The following MRAS variants were observed in gnomAD, a reference collection of about 807,000 sequenced individuals.
MRAS encodes the protein ras-related protein M-Ras.
Under a neutral mutation model 20.9 loss-of-function variants are expected in MRAS, and 4 were observed. The ratio of observed to expected loss-of-function variants is 0.19; its 90% CI spans 0.09 to 0.44. MRAS has a LOEUF of 0.44. MRAS is among the 20% of genes least tolerant of loss of function. The pLI is 0.99. For missense variants in MRAS, 154 were observed against 277.5 expected, an observed-to-expected ratio of 0.56 and a Z score of 3.16; for synonymous variants, 98 against 102.9, an observed-to-expected ratio of 0.95 and a Z score of 0.29.
chr3:138,381,779 C>T (rs2054910504), intron 2 of MRAS, among the ~76,000 whole-genome samples: 3 of 152,214 alleles, frequency 2.0e-5, no homozygotes, highest in Admixed American at 2.0e-4. Context: ...GGCTTCTGCC[C>T]AAACCTCAGA....
intron 2 of MRAS, among the ~76,000 whole-genome samples, chr3:138,392,653 T>C (rs978940403): frequency 6.6e-6 from 1 of 152,260 alleles, no homozygotes; most frequent in African/African-American, 2.4e-5. Flanking sequence ...GTTTTGTAGA[T>C]GCATTTCTTT....
intron 1 of MRAS, among the ~76,000 whole-genome samples, chr3:138,365,622 A>AG (rs2054543287): frequency 6.6e-6 from 1 of 152,248 alleles, no homozygotes; most frequent in African/African-American, 2.4e-5. Flanking sequence ...AGAGATCTCC[A>AG]GACATCACCA....
At chr3:138,375,821 A>G (rs1560173656) in intron 2 of MRAS, among the ~76,000 whole-genome samples, 1 of 152,166 alleles carries the variant, frequency 6.6e-6, no homozygotes. Flanking sequence ...CAGGAGTTTG[A>G]GACTTGCCTG....
intron 2 of MRAS, among the ~76,000 whole-genome samples, chr3:138,382,572 C>T (rs1314145762): frequency 1.3e-5 from 2 of 152,140 alleles, no homozygotes; most frequent in Non-Finnish European, 2.9e-5. Flanking sequence ...TGCCCTGCAC[C>T]CGAGGGGCCC....
intron 2 of MRAS, among the ~76,000 whole-genome samples, chr3:138,378,970 A>G (rs2054843264): frequency 6.6e-6 from 1 of 152,120 alleles, no homozygotes; most frequent in Non-Finnish European, 1.5e-5. Flanking sequence ...GGGCATGGTA[A>G]TGATCAAATC....
chr3:138,377,796 G>A (rs1016592531), intron 2 of MRAS, among the ~76,000 whole-genome samples: 2 of 152,260 alleles, frequency 1.3e-5, no homozygotes, highest in Admixed American at 6.5e-5. Flanking sequence ...GCACGATGAT[G>A]AGGAGAAGGA....
At chr3:138,394,102 A>G (rs925217891) in intron 2 of MRAS, among the ~76,000 whole-genome samples, 7 of 110,420 alleles carry the variant, frequency 6.3e-5, no homozygotes, top group East Asian at 2.1e-4. Flanking sequence ...TTTTTCTAAG[A>G]AAAAAAAAAG....
At chr3:138,379,716 T>C (rs2054860585) in intron 2 of MRAS, among the ~76,000 whole-genome samples, 1 of 152,210 alleles carries the variant, frequency 6.6e-6, no homozygotes, top group African/African-American at 2.4e-5. Flanking sequence ...ATTTTCTTTA[T>C]CATTCATTCA....
intron 2 of MRAS, among the ~76,000 whole-genome samples, chr3:138,391,416 A>C (rs1387065590): frequency 6.6e-6 from 1 of 152,112 alleles, no homozygotes; most frequent in Non-Finnish European, 1.5e-5. Flanking sequence ...GTTTCTGTTC[A>C]TTTCTGATCC....
chr3:138,355,002 C>A (rs1331503017), intron 1 of MRAS, among the ~76,000 whole-genome samples: 1 of 152,138 alleles, frequency 6.6e-6, no homozygotes, highest in Non-Finnish European at 1.5e-5. Context: ...TCAGGCTCAT[C>A]TTGAACTCCT....
intron 2 of MRAS, among the ~76,000 whole-genome samples, chr3:138,389,053 G>T (rs1001132473): frequency 1.3e-5 from 2 of 151,976 alleles, no homozygotes; most frequent in Non-Finnish European, 2.9e-5. Context: ...TGTTGTCTAG[G>T]CTAGTCTCAA....
chr3:138,372,058 A>T (rs1223164642), intron 1 of MRAS, among the ~76,000 whole-genome samples: 3 of 152,126 alleles, frequency 2.0e-5, no homozygotes, highest in African/African-American at 7.2e-5. Context: ...TTTAGGATGG[A>T]TAATTCTTCA....
chr3:138,362,960 C>T (rs1008444148), intron 1 of MRAS, among the ~76,000 whole-genome samples: 1 of 152,106 alleles, frequency 6.6e-6, no homozygotes, highest in Non-Finnish European at 1.5e-5. Flanking sequence ...GTCTCCTTGG[C>T]TTTTCATGCC....
At position 138,397,398 on chromosome 3, in the gene MRAS, A is replaced by G. The variant is rs1202984226; in HGVS notation, c.268A>G (p.Ile90Val). The change falls in exon 3 of 6, where the codon ATC becomes GTC. Residue 90 changes from isoleucine (I) to valine (V), a missense_variant. Ile to Val is a conservative substitution (Grantham distance 29). Transcript: ENST00000423968. ...CATGCGCACGGGGGATGGCTTCCTC[A>G]TCGTCTACTCCGTCACTGACAAGGC... is the stretch of plus-strand genomic sequence containing the variant. ...QYMRTGDGFLIVYSVTDKASF... is the reference protein window; with the variant it reads ...QYMRTGDGFLVVYSVTDKASF... 1.2e-6 allele frequency: 2 copies of G among 1,614,180 alleles called. No individual in the cohort carries two copies. The highest frequency in any genetic ancestry group is 1.7e-6 in the Non-Finnish European group (2 of 1,180,022).
At chr3:138,394,823 C>G (rs900434333) in intron 2 of MRAS, among the ~76,000 whole-genome samples, 39 of 152,166 alleles carry the variant, frequency 2.6e-4, no homozygotes, top group African/African-American at 9.4e-4. Context: ...CCAGAAAGCT[C>G]TGCTCCTGTT....
rs939667539 is a variant in MRAS, at chr3:138,403,875, C to T, written c.*1606C>T. 1 of 152,292 alleles carries T rather than the reference C, an allele frequency of 6.6e-6. No individual in the cohort carries two copies. The allele number at this position is 152,292 out of a possible 1,614,324, so 9.4% of individuals were successfully genotyped here. Reference sequence around the variant, plus strand: ...AAACCCAAGGAAAGTGAGCACCCAACTGGATGCCAAGACACCCGGGTTCTG... The same window carrying T: ...AAACCCAAGGAAAGTGAGCACCCAATTGGATGCCAAGACACCCGGGTTCTG... On this transcript the variant is annotated 3_prime_UTR_variant, in exon 6 of 6. Coordinates refer to ENST00000423968, the MANE Select transcript of MRAS (RefSeq NM_001085049.3).
At position 138,362,020 on chromosome 3, in the gene MRAS, T is replaced by C. The variant is rs547366967; in HGVS notation, c.-18-10846T>C. 2.0e-4 allele frequency among the ~76,000 whole-genome samples: 31 copies of C among 152,168 alleles called. 1 individual carries two copies. The highest frequency in any genetic ancestry group is 4.0e-4 in the Non-Finnish European group (27 of 68,018). Reference sequence around the variant, plus strand: ...GAGCCCACGCCCTGCCCCTCATCCCTGGACTGAGTTCTTTCCCACCCTCCC... The same window carrying C: ...GAGCCCACGCCCTGCCCCTCATCCCCGGACTGAGTTCTTTCCCACCCTCCC... On this transcript the variant is annotated intron_variant, in intron 1 of 5. Coordinates refer to ENST00000423968, the MANE Select transcript of MRAS (RefSeq NM_001085049.3).
intron 2 of MRAS, among the ~76,000 whole-genome samples, chr3:138,387,021 C>T (rs2055030675): frequency 6.6e-6 from 1 of 152,172 alleles, no homozygotes; most frequent in Non-Finnish European, 1.5e-5. Context: ...GGTCCCATGC[C>T]TCTCAGATGG....
chr3:138,356,575 C>G (rs2054339028), intron 1 of MRAS, among the ~76,000 whole-genome samples: 1 of 152,220 alleles, frequency 6.6e-6, no homozygotes, highest in Non-Finnish European at 1.5e-5. Context: ...TTGGCCAACA[C>G]TGCTCTCACC....
Sources: gnomAD v4.1 joint callset for allele counts (sites outside exome capture counted in the v4.1 genomes callset) on GRCh38, gnomAD v4.1.1 for gene constraint, MANE v1.5 for transcripts, NCBI Gene and HGNC (gene_info 2026-07-23, HGNC 2026-07-21) for gene names.